Variants in XPO4 observed in about 807,000 individuals in gnomAD.
XPO4 encodes the protein exportin-4.
XPO4 carries 39 observed loss-of-function variants against 143.0 expected under a neutral mutation model. The ratio of observed to expected loss-of-function variants is 0.27; its 90% CI spans 0.21 to 0.36. XPO4 has a LOEUF of 0.36. XPO4 is among the 10% of genes least tolerant of loss of function. The pLI is 1.00. For synonymous variants in XPO4, 439 were observed against 474.0 expected, an observed-to-expected ratio of 0.93 and a Z score of 0.96; for missense variants, 907 against 1,348.0, an observed-to-expected ratio of 0.67 and a Z score of 5.12.
At chr13:20,842,568 G>A (rs964314371) in intron 6 of XPO4, among the ~76,000 whole-genome samples, 9 of 152,122 alleles carry the variant, frequency 5.9e-5, no homozygotes, top group Non-Finnish European at 1.0e-4. Flanking sequence ...AAAATGATTC[G>A]GTTTCTTAAA....
intron 3 of XPO4, among the ~76,000 whole-genome samples, chr13:20,861,964 T>G (rs2060204711): frequency 6.6e-6 from 1 of 151,960 alleles, no homozygotes; most frequent in African/African-American, 2.4e-5. Flanking sequence ...AATTTTTGTA[T>G]TTTTAGTAGA....
intron 6 of XPO4, among the ~76,000 whole-genome samples, chr13:20,833,526 C>G (rs2059877978): frequency 1.3e-5 from 2 of 152,044 alleles, no homozygotes; most frequent in African/African-American, 2.4e-5. Flanking sequence ...CATTGTTGCA[C>G]TGTTTTTAAA....
At chr13:20,879,444 G>C (rs1046162435) in intron 1 of XPO4, 1 of 498,132 alleles carries the variant, frequency 2.0e-6, no homozygotes, top group Non-Finnish European at 2.6e-6. Flanking sequence ...ATCACAACAG[G>C]ACCCATGTTG....
In XPO4 at chr13:20,778,731, A is replaced by T. The variant is rs2059108283; in HGVS notation, c.*4991T>A. 1 of 152,184 alleles carries T rather than the reference A, an allele frequency of 6.6e-6. No homozygotes were observed. The highest frequency in any genetic ancestry group is 1.5e-5 in the Non-Finnish European group (1 of 68,024). The allele number at this position is 152,184 out of a possible 1,614,324, so 9.4% of individuals were successfully genotyped here. ...TCTGTACAGATGTCTTCATTTTTTT[A>T]AATTTAAAATTATTTTAGGACCGTG... On this transcript the variant is annotated 3_prime_UTR_variant, in exon 23 of 23. Coordinates refer to ENST00000255305, the MANE Select transcript of XPO4 (RefSeq NM_022459.5).
At chr13:20,811,909 T>C (rs2059587915) in intron 9 of XPO4, among the ~76,000 whole-genome samples, 1 of 152,160 alleles carries the variant, frequency 6.6e-6, no homozygotes, top group Non-Finnish European at 1.5e-5. Flanking sequence ...AGATCCAAAA[T>C]AGGAATCCAA....
intron 1 of XPO4, chr13:20,902,204 G>C (rs1331752771): frequency 1.0e-6 from 1 of 985,244 alleles, no homozygotes; most frequent in Non-Finnish European, 1.2e-6. Flanking sequence ...GGAAGCGCTA[G>C]AGGATGCGAA....
chr13:20,899,776 T>C (rs2060603276), intron 1 of XPO4, among the ~76,000 whole-genome samples: 1 of 152,198 alleles, frequency 6.6e-6, no homozygotes, highest in South Asian at 2.1e-4. Flanking sequence ...TATTTGCATT[T>C]TGAATCTCAA....
At chr13:20,878,342 C>A (rs552425437) in intron 1 of XPO4, among the ~76,000 whole-genome samples, 117 of 152,238 alleles carry the variant, frequency 7.7e-4, no homozygotes, top group African/African-American at 2.7e-3. Flanking sequence ...GACATTTATT[C>A]CCCAGAGAAC....
chr13:20,799,022 G>GAAA (rs559049236), intron 16 of XPO4, 143 bp downstream of exon 16: 55 of 629,440 alleles, frequency 8.7e-5, no homozygotes, highest in South Asian at 2.4e-4. Flanking sequence ...CCCTATCTCA[G>GAAA]AAAAAAAAAA....
intron 6 of XPO4, among the ~76,000 whole-genome samples, chr13:20,837,138 G>C (rs991440556): frequency 2.6e-5 from 4 of 152,042 alleles, no homozygotes; most frequent in South Asian, 4.1e-4. Context: ...GTACTGCTCT[G>C]AACATTCATG....
chr13:20,871,359 G>A (rs111363806), intron 1 of XPO4, among the ~76,000 whole-genome samples: 8,735 of 152,108 alleles, frequency 0.057, 641 homozygotes, highest in African/African-American at 0.17. Context: ...TCACTCTGTC[G>A]TCCAGGCTGG....
At chr13:20,811,169 G>A (rs2059577074) in intron 9 of XPO4, among the ~76,000 whole-genome samples, 1 of 152,166 alleles carries the variant, frequency 6.6e-6, no homozygotes, top group Non-Finnish European at 1.5e-5. Flanking sequence ...GGTGAGAATG[G>A]GGGCTGGGAG....
At chr13:20,822,438 T>C (rs961195231) in intron 7 of XPO4, 149 bp from the exon 8 acceptor site, 3 of 691,174 alleles carry the variant, frequency 4.3e-6, no homozygotes, top group Admixed American at 3.0e-5. Flanking sequence ...TTGAAAATTG[T>C]CCCTCAGTCC....
Position 20,870,089 on chromosome 13 carries a change from C to CAAAAAAAAAAAAAAAAAAAAA in XPO4, c.70-1389_70-1388insTTTTTTTTTTTTTTTTTTTTT, listed in dbSNP as rs59710121. 2.8e-4 allele frequency among the ~76,000 whole-genome samples: 28 copies of CAAAAAAAAAAAAAAAAAAAAA among 98,896 alleles called. 1 individual carries two copies. Among genetic ancestry groups the CAAAAAAAAAAAAAAAAAAAAA allele is most frequent in the African/African-American group, 1.2e-3 (27 of 22,352 alleles). 64.9% of individuals were successfully genotyped at this position (98,896 alleles called of 152,430 possible). The stretch of plus-strand genomic sequence containing the variant: ...CACTCTAGCCTGGGTGAAGGAGTCT[C>CAAAAAAAAAAAAAAAAAAAAA]AAAAAAAAAAAAAAAAAAGAATTGT... On this transcript the variant is annotated intron_variant, in intron 1 of 22. Coordinates refer to ENST00000255305, the MANE Select transcript of XPO4 (RefSeq NM_022459.5).
At chr13:20,859,185 G>A (rs1385691012) in intron 3 of XPO4, among the ~76,000 whole-genome samples, 1 of 151,250 alleles carries the variant, frequency 6.6e-6, no homozygotes, top group Non-Finnish European at 1.5e-5. Flanking sequence ...AACTGAAAAG[G>A]AGGCTGGGCA....
chr13:20,863,598 A>G (rs867245912), intron 2 of XPO4, among the ~76,000 whole-genome samples: 10 of 152,302 alleles, frequency 6.6e-5, no homozygotes, highest in Middle Eastern at 3.4e-3. Context: ...TTAATTTTCT[A>G]TTTTTTCCTT....
At chr13:20,802,992 G>A (rs896544022) in intron 13 of XPO4, among the ~76,000 whole-genome samples, 5 of 152,134 alleles carry the variant, frequency 3.3e-5, no homozygotes, top group Admixed American at 6.5e-5. Context: ...CTTAGTACAC[G>A]TATCTTTGAA....
chr13:20,796,684 A>T (rs564640556), intron 17 of XPO4, 80 bp downstream of exon 17: 2 of 1,146,786 alleles, frequency 1.7e-6, no homozygotes, highest in Non-Finnish European at 2.3e-6. Flanking sequence ...ATACTAATCA[A>T]ATTTTAAGCA....
At chr13:20,789,421 G>A (rs2059247915) in intron 19 of XPO4, among the ~76,000 whole-genome samples, 1 of 143,300 alleles carries the variant, frequency 7.0e-6, no homozygotes, top group African/African-American at 2.6e-5. Flanking sequence ...TTGAGACAGA[G>A]TCTCGCTCTG....
Sources: gnomAD v4.1 joint callset for allele counts (sites outside exome capture counted in the v4.1 genomes callset) on GRCh38, gnomAD v4.1.1 for gene constraint, MANE v1.5 for transcripts, NCBI Gene and HGNC (gene_info 2026-07-23, HGNC 2026-07-21) for gene names.